Variants in CFAP299 observed in about 807,000 individuals in gnomAD.
The protein encoded by CFAP299 is cilia and flagella associated protein 299.
CFAP299 carries 21 observed loss-of-function variants against 27.0 expected under a neutral mutation model. The ratio of observed to expected loss-of-function variants is 0.78; its 90% CI spans 0.55 to 1.12. The LOEUF is 1.12. Among genes scored for constraint, CFAP299 ranks in the 50% most tolerant of loss-of-function variants. The pLI, the probability that CFAP299 is intolerant of heterozygous loss-of-function variation, is 0.00. For synonymous variants in CFAP299, 104 were observed against 98.1 expected, an observed-to-expected ratio of 1.06 and a Z score of -0.36; for missense variants, 310 against 276.6, an observed-to-expected ratio of 1.12 and a Z score of -0.86.
At chr4:80,719,800 A>AC (rs1430954181) in intron 3 of CFAP299, among the ~76,000 whole-genome samples, 1 of 152,096 alleles carries the variant, frequency 6.6e-6, no homozygotes, top group Non-Finnish European at 1.5e-5. Context: ...CCATCACTGT[A>AC]CCATTTCTCT....
chr4:80,507,184 C>A (rs1194359707), intron 2 of CFAP299, among the ~76,000 whole-genome samples: 2 of 151,998 alleles, frequency 1.3e-5, no homozygotes, highest in Admixed American at 6.6e-5. Flanking sequence ...TAAGAGATTG[C>A]AGGTGGGTGG....
At chr4:80,327,454 A>G in the CFAP299 span, among the ~76,000 whole-genome samples, 2 of 151,876 alleles carry the variant, frequency 1.3e-5, no homozygotes, top group South Asian at 2.1e-4. Context: ...GTGGAAGTCA[A>G]TGAGGATTTA....
intron 4 of CFAP299, among the ~76,000 whole-genome samples, chr4:80,944,279 G>A (rs1207150046): frequency 6.7e-6 from 1 of 149,684 alleles, no homozygotes; most frequent in Non-Finnish European, 1.5e-5. Flanking sequence ...AACTTCATAT[G>A]GGGGTTGTGA....
intron 4 of CFAP299, among the ~76,000 whole-genome samples, chr4:80,943,813 A>G (rs1229598666): frequency 4.6e-5 from 7 of 152,176 alleles, no homozygotes; most frequent in Admixed American, 4.6e-4. Flanking sequence ...TCACGCCTGT[A>G]ATCCCAACAC....
intron 3 of CFAP299, among the ~76,000 whole-genome samples, chr4:80,637,335 A>T (rs1276958778): frequency 6.6e-6 from 1 of 152,186 alleles, no homozygotes. Flanking sequence ...GAAGTGATAG[A>T]CATGCAATTT....
intron 4 of CFAP299, among the ~76,000 whole-genome samples, chr4:80,944,241 C>A (rs1019936642): frequency 2.0e-5 from 3 of 152,204 alleles, no homozygotes; most frequent in Non-Finnish European, 2.9e-5. Flanking sequence ...CTCCCCGAGT[C>A]GTTTTGCTTT....
chr4:80,390,756 CATATGTATATATGTATAT>C lies in CFAP299; in HGVS notation c.242+27876_242+27893del, dbSNP rs1725372763. 9.4e-5 allele frequency among the ~76,000 whole-genome samples: 9 copies of C among 96,240 alleles called. No individual in the cohort carries two copies. The East Asian group carries it at 1.9e-3, about 20-fold the overall frequency. The allele number at this position is 96,240 out of a possible 152,430, so 63.1% of individuals were successfully genotyped here. A position where few individuals can be genotyped will look rare whatever the true frequency, so the allele number is the denominator to read the frequency against. ...ATATGTATATATGTATATATACACA[CATATGTATATATGTATAT>C]ATACATATACACATATATGTATATG... is the stretch of plus-strand genomic sequence containing the variant. On this transcript the variant is annotated intron_variant, in intron 2 of 5. Coordinates refer to ENST00000358105, the MANE Select transcript of CFAP299 (RefSeq NM_152770.3).
intron 3 of CFAP299, among the ~76,000 whole-genome samples, chr4:80,793,689 A>G (rs1727698884): frequency 6.6e-6 from 1 of 152,210 alleles, no homozygotes; most frequent in African/African-American, 2.4e-5. Flanking sequence ...ACATCACTTA[A>G]ATGCTGATAT....
chr4:80,910,477 G>T (rs1578231890), intron 4 of CFAP299, among the ~76,000 whole-genome samples: 1 of 152,116 alleles, frequency 6.6e-6, no homozygotes, highest in Non-Finnish European at 1.5e-5. Context: ...ATATACCATG[G>T]AATACTATGT....
chr4:80,960,892 A>G (rs1050269579), intron 5 of CFAP299, among the ~76,000 whole-genome samples: 1 of 151,874 alleles, frequency 6.6e-6, no homozygotes, highest in African/African-American at 2.4e-5. Flanking sequence ...GACTCAAAAC[A>G]AACACATTCT....
At chr4:80,527,286 T>C (rs1349357217) in intron 2 of CFAP299, among the ~76,000 whole-genome samples, 2 of 151,182 alleles carry the variant, frequency 1.3e-5, no homozygotes, top group East Asian at 1.9e-4. Context: ...AAAAAAAACA[T>C]ATTGGAGGTT....
At chr4:80,330,637 T>C in the CFAP299 span, among the ~76,000 whole-genome samples, 1 of 152,196 alleles carries the variant, frequency 6.6e-6, no homozygotes, top group Admixed American at 6.5e-5. Flanking sequence ...CAGTTGGAAG[T>C]AATTTTTCAC....
Position 80,362,342 on chromosome 4 carries a change from C to CT in CFAP299, c.112-400dup, listed in dbSNP as rs75126928. 7.9e-3 allele frequency among the ~76,000 whole-genome samples: 1,076 copies of CT among 136,374 alleles called. 16 individuals carry two copies. Among genetic ancestry groups the CT allele is most frequent in the African/African-American group, 0.024 (916 of 37,534 alleles). 89.5% of individuals were successfully genotyped at this position (136,374 alleles called of 152,430 possible). ...TGAGCTCTCTCAAAGCAGCTTGGTT[C>CT]TTTTTTTTTTTTGCCATTGGTTTTT... On this transcript the variant is annotated intron_variant, in intron 1 of 5. Coordinates refer to ENST00000358105, the MANE Select transcript of CFAP299 (RefSeq NM_152770.3).
At chr4:80,390,604 T>C (rs1026186222) in intron 2 of CFAP299, among the ~76,000 whole-genome samples, 1 of 137,140 alleles carries the variant, frequency 7.3e-6, no homozygotes, top group African/African-American at 2.9e-5. Context: ...TATATATGTA[T>C]ACACACATAT....
At chr4:80,952,367 A>T (rs933508105) in intron 5 of CFAP299, among the ~76,000 whole-genome samples, 1 of 152,176 alleles carries the variant, frequency 6.6e-6, no homozygotes, top group Non-Finnish European at 1.5e-5. Flanking sequence ...AGCTAAAGCT[A>T]TTTTTAGCTA....
At chr4:80,677,559 C>T (rs1246059804) in intron 3 of CFAP299, among the ~76,000 whole-genome samples, 1 of 151,688 alleles carries the variant, frequency 6.6e-6, no homozygotes, top group Admixed American at 6.6e-5. Flanking sequence ...TATATCAGTC[C>T]CCAGTTTGTT....
intron 3 of CFAP299, among the ~76,000 whole-genome samples, chr4:80,659,184 C>A (rs1293912112): frequency 6.6e-6 from 1 of 151,670 alleles, no homozygotes. Flanking sequence ...AATATAAAAT[C>A]GAAAGCAAAA....
chr4:80,925,956 A>G (rs1357596375), intron 4 of CFAP299, among the ~76,000 whole-genome samples: 2 of 152,064 alleles, frequency 1.3e-5, no homozygotes, highest in African/African-American at 2.4e-5. Context: ...ACAGAACAGA[A>G]CTTTAGTTTC....
chr4:80,856,946 C>T lies in CFAP299; in HGVS notation c.334-13047C>T, dbSNP rs570219146. Among the ~76,000 whole-genome samples the T allele has an allele frequency of 7.9e-5, 12 of 151,922 alleles. No homozygotes were observed. The East Asian group carries it at 1.7e-3, about 22-fold the overall frequency. On this transcript the variant is annotated intron_variant, in intron 3 of 5. Transcript: ENST00000358105. ...TTTTTTCCAATTCTGTGAAGAAAGT[C>T]ATTGGTAGCTTGATGGGGATGGCAT...
Sources: allele counts gnomAD v4.1 joint callset (sites outside exome capture counted in the v4.1 genomes callset), GRCh38; gene constraint gnomAD v4.1.1; transcripts MANE v1.5; gene names NCBI Gene and HGNC (gene_info 2026-07-23, HGNC 2026-07-21).